Variants in SLIT2 observed in about 807,000 individuals in gnomAD.
The protein encoded by SLIT2 is slit homolog 2 protein.
SLIT2 carries 41 observed loss-of-function variants against 185.7 expected under a neutral mutation model. That is an observed-to-expected ratio of 0.22 (90% confidence interval 0.17 to 0.29). The LOEUF is 0.29. Among genes scored for constraint, SLIT2 ranks in the 10% least tolerant of loss-of-function variants. The probability of loss-of-function intolerance (pLI) is 1.00; values close to 1 mark genes in which losing one functional copy is unlikely to be tolerated. For missense variants in SLIT2, 1,571 were observed against 1,909.0 expected (o/e 0.82, Z 3.30); for synonymous variants, 693 against 680.2 (o/e 1.02, Z -0.29).
chr4:20,595,591 T>C, intron 30 of SLIT2, 106 bp from the exon 31 acceptor site: 1 of 1,417,490 alleles, frequency 7.1e-7, no homozygotes, highest in Admixed American at 1.8e-5. Context: ...ATGAGCCTAT[T>C]CTAAATAAGT....
intron 26 of SLIT2, among the ~76,000 whole-genome samples, chr4:20,558,488 T>C (rs1437948433): frequency 3.9e-5 from 6 of 152,084 alleles, no homozygotes; most frequent in Non-Finnish European, 7.3e-5. Flanking sequence ...AAGACACATT[T>C]AACATATAAT....
intron 4 of SLIT2, among the ~76,000 whole-genome samples, chr4:20,414,434 T>C (rs1378545782): frequency 6.6e-6 from 1 of 152,218 alleles, no homozygotes; most frequent in Non-Finnish European, 1.5e-5. Flanking sequence ...TATATTTACC[T>C]ATACAGTTAC....
chr4:20,456,828 T>A (rs1040339570), intron 4 of SLIT2, among the ~76,000 whole-genome samples: 1 of 152,148 alleles, frequency 6.6e-6, no homozygotes, highest in African/African-American at 2.4e-5. Flanking sequence ...GACTATAGTT[T>A]AGGCTGAATA....
intron 9 of SLIT2, among the ~76,000 whole-genome samples, chr4:20,496,218 T>C (rs1441865733): frequency 6.6e-6 from 1 of 152,212 alleles, no homozygotes; most frequent in African/African-American, 2.4e-5. Flanking sequence ...TGACTCATTT[T>C]TTCTGCTTTC....
chr4:20,511,601 T>TTTTTTTTTTTTTTTTTTTTTTTTG (rs1719754897), intron 11 of SLIT2, among the ~76,000 whole-genome samples: 1 of 144,192 alleles, frequency 6.9e-6, no homozygotes, highest in Non-Finnish European at 1.5e-5. Context: ...TTTTTTTTTT[T>TTTTTTTTTTTTTTTTTTTTTTTTG]TTATTTTTGG....
At chr4:20,356,450 A>G (rs1032994500) in intron 4 of SLIT2, among the ~76,000 whole-genome samples, 8 of 152,196 alleles carry the variant, frequency 5.3e-5, no homozygotes, top group African/African-American at 1.7e-4. Context: ...ATGCATAGTA[A>G]AATGTAGCCT....
chr4:20,258,243 C>T (rs1309355407), intron 3 of SLIT2, among the ~76,000 whole-genome samples: 1 of 151,606 alleles, frequency 6.6e-6, no homozygotes, highest in African/African-American at 2.4e-5. Flanking sequence ...GTTTTATTTG[C>T]TCATGTAGGA....
At chr4:20,368,432 C>CT (rs926407639) in intron 4 of SLIT2, among the ~76,000 whole-genome samples, 5 of 151,446 alleles carry the variant, frequency 3.3e-5, no homozygotes, top group South Asian at 2.1e-4. Context: ...CTAAGCACAA[C>CT]TTTTTTTTGT....
At chr4:20,501,021 A>G (rs1435088926) in intron 9 of SLIT2, among the ~76,000 whole-genome samples, 1 of 152,158 alleles carries the variant, frequency 6.6e-6, no homozygotes, top group Non-Finnish European at 1.5e-5. Flanking sequence ...ACAAAATGCA[A>G]TGATTCTTCT....
chr4:20,373,948 A>G (rs1228104859), intron 4 of SLIT2, among the ~76,000 whole-genome samples: 2 of 152,108 alleles, frequency 1.3e-5, no homozygotes, highest in Non-Finnish European at 2.9e-5. Flanking sequence ...AAGATGTAGT[A>G]GCAGAACCTG....
Position 20,541,615 on chromosome 4 carries a change from T to C in SLIT2, c.2139T>C (p.Asp713=), listed in dbSNP as rs1007622905. The change falls in exon 20 of 37, where the codon GAT becomes GAC. Residue 713 remains aspartate (D), a synonymous_variant. Transcript: ENST00000504154. ...QDVAIQDFTC[D]DGNDDNSCSP... is the part of the protein sequence containing the mutation. ...TGGCCATTCAGGACTTCACTTGTGA[T>C]GACGGTAAGAAATACTTATCAACTC... 3.1e-6 allele frequency: 5 copies of C among 1,613,536 alleles called. No homozygotes were observed. The highest frequency in any genetic ancestry group is 4.2e-6 in the Non-Finnish European group (5 of 1,179,608).
intron 21 of SLIT2, among the ~76,000 whole-genome samples, chr4:20,543,610 A>G (rs1171488421): frequency 6.6e-6 from 1 of 152,232 alleles, no homozygotes; most frequent in African/African-American, 2.4e-5. Flanking sequence ...AGGTTTGACA[A>G]ACTTTTGACA....
At chr4:20,274,221 A>T (rs1316736721) in intron 4 of SLIT2, among the ~76,000 whole-genome samples, 2 of 152,256 alleles carry the variant, frequency 1.3e-5, no homozygotes, top group Non-Finnish European at 2.9e-5. Flanking sequence ...TGATTAAAAC[A>T]CCAAGTCCTT....
rs558241656 is a variant in SLIT2, at chr4:20,484,610, C to A, written c.540-1590C>A. ...GTCAATCTCTTGACCTCTGAACGCA[C>A]CATCAATAACCGCAGCCACCAACTG... On this transcript the variant is annotated intron_variant, in intron 6 of 36. Transcript: ENST00000504154. This position sits in a 1 kb window ranked among gnomAD's most constrained non-coding sequence, Gnocchi z 4.3. Among the ~76,000 whole-genome samples the A allele has an allele frequency of 6.6e-6, 1 of 152,256 alleles. No homozygotes were observed. Among genetic ancestry groups the A allele is most frequent in the South Asian group, 2.1e-4 (1 of 4,826 alleles).
intron 4 of SLIT2, among the ~76,000 whole-genome samples, chr4:20,358,397 C>T: frequency 6.6e-6 from 1 of 152,144 alleles, no homozygotes. Context: ...CCAAAAGTTA[C>T]AGTAATGAAT....
At chr4:20,411,439 T>C (rs1022528886) in intron 4 of SLIT2, among the ~76,000 whole-genome samples, 8 of 152,312 alleles carry the variant, frequency 5.3e-5, no homozygotes, top group African/African-American at 1.2e-4. Context: ...CTTTTAAGGA[T>C]TGGAGCTGGA....
chr4:20,388,169 T>C (rs1011813520), intron 4 of SLIT2, among the ~76,000 whole-genome samples: 1 of 152,106 alleles, frequency 6.6e-6, no homozygotes, highest in African/African-American at 2.4e-5. Context: ...TTAAATATGG[T>C]ATCAAAAGCA....
At chr4:20,589,851 T>TCTG in intron 30 of SLIT2, 114 bp downstream of exon 30, 1 of 653,914 alleles carries the variant, frequency 1.5e-6, no homozygotes, top group South Asian at 1.8e-5. Flanking sequence ...TAAAGGGACC[T>TCTG]ATTCACTAGT....
At chr4:20,517,746 A>G (rs1720341578) in intron 11 of SLIT2, among the ~76,000 whole-genome samples, 1 of 151,808 alleles carries the variant, frequency 6.6e-6, no homozygotes, top group African/African-American at 2.4e-5. Flanking sequence ...AATATACCTT[A>G]CCTCTCTCTG....
Sources: gnomAD v4.1 joint callset for allele counts (sites outside exome capture counted in the v4.1 genomes callset) on GRCh38, gnomAD v4.1.1 for gene constraint, Gnocchi (gnomAD v3.1) non-coding constraint, MANE v1.5 for transcripts, NCBI Gene and HGNC (gene_info 2026-07-23, HGNC 2026-07-21) for gene names.